Variants in UNC13C observed in about 807,000 individuals in gnomAD.
UNC13C encodes the protein protein unc-13 homolog C.
Under a neutral mutation model 245.4 loss-of-function variants are expected in UNC13C, and 174 were observed. The observed-to-expected ratio is 0.71, with a 90% CI of 0.63 to 0.80. The LOEUF is 0.80. Among genes scored for constraint, UNC13C ranks in the 30% least tolerant of loss-of-function variants. UNC13C has a pLI of 0.00. For missense variants in UNC13C, 2,829 were observed against 2,602.9 expected (o/e 1.09, Z -1.89); for synonymous variants, 992 against 895.1 (o/e 1.11, Z -1.93).
intron 10 of UNC13C, among the ~76,000 whole-genome samples, chr15:54,284,070 C>A (rs1293184917): frequency 6.6e-6 from 1 of 152,282 alleles, no homozygotes; most frequent in Admixed American, 6.5e-5. Context: ...TTTTGTTCCT[C>A]ATTACAACCA....
At chr15:54,254,849 T>A (rs2036239170) in intron 8 of UNC13C, among the ~76,000 whole-genome samples, 2 of 152,212 alleles carry the variant, frequency 1.3e-5, no homozygotes, top group East Asian at 3.8e-4. Flanking sequence ...AGAAAGCACA[T>A]AGGGTACCCC....
chr15:53,989,870 G>A (rs1429493615), intron 1 of UNC13C, among the ~76,000 whole-genome samples: 2 of 151,996 alleles, frequency 1.3e-5, no homozygotes, highest in Non-Finnish European at 2.9e-5. Flanking sequence ...CAATAGTTCG[G>A]CATCTCAGAG....
chr15:54,150,662 T>A (rs764454080), intron 4 of UNC13C, among the ~76,000 whole-genome samples: 5 of 152,224 alleles, frequency 3.3e-5, no homozygotes, highest in Non-Finnish European at 7.3e-5. Context: ...ATATCTTCTC[T>A]ACTTAGAAAG....
intron 4 of UNC13C, among the ~76,000 whole-genome samples, chr15:54,200,495 G>A (rs2034488488): frequency 6.6e-6 from 1 of 151,800 alleles, no homozygotes; most frequent in African/African-American, 2.4e-5. Flanking sequence ...TCAGAACCCA[G>A]TGGAATAAAA....
chr15:54,173,438 G>A (rs1195672648), intron 4 of UNC13C, among the ~76,000 whole-genome samples: 2 of 151,858 alleles, frequency 1.3e-5, no homozygotes, highest in African/African-American at 2.4e-5. Flanking sequence ...GTTACTGCAC[G>A]TTTATTAAAT....
chr15:54,269,133 AT>A (rs1183759300), intron 10 of UNC13C, among the ~76,000 whole-genome samples: 2 of 151,864 alleles, frequency 1.3e-5, no homozygotes, highest in Non-Finnish European at 2.9e-5. Flanking sequence ...CTTGGTTTCT[AT>A]TCCTTGCACA....
chr15:54,558,828 C>T (rs1278120560), intron 29 of UNC13C, among the ~76,000 whole-genome samples: 4 of 151,884 alleles, frequency 2.6e-5, no homozygotes, highest in African/African-American at 4.8e-5. Flanking sequence ...ATCAGTCACC[C>T]AATCTATATG....
the UNC13C span, chr15:53,911,036 G>A: frequency 1.3e-5 from 2 of 152,216 alleles, no homozygotes; most frequent in Non-Finnish European, 2.9e-5. Context: ...GGGAGGCAGT[G>A]GAGAGGTCTC....
chr15:54,469,507 C>G (rs1039571582), intron 19 of UNC13C, among the ~76,000 whole-genome samples: 2 of 151,430 alleles, frequency 1.3e-5, no homozygotes, highest in African/African-American at 4.8e-5. Flanking sequence ...CTGTAGATAC[C>G]AAAATCTGTG....
At chr15:54,410,542 T>G (rs1340670774) in intron 18 of UNC13C, among the ~76,000 whole-genome samples, 1 of 152,126 alleles carries the variant, frequency 6.6e-6, no homozygotes, top group Admixed American at 6.5e-5. Context: ...GATTTTTGTA[T>G]ATGGTGAAAA....
At chr15:54,324,930 C>T (rs1361756876) in intron 14 of UNC13C, among the ~76,000 whole-genome samples, 1 of 151,978 alleles carries the variant, frequency 6.6e-6, no homozygotes. Context: ...AATACAAATT[C>T]GTAAACTTTC....
chr15:54,519,724 G>A (rs75852652), intron 24 of UNC13C, among the ~76,000 whole-genome samples: 134 of 152,284 alleles, frequency 8.8e-4, no homozygotes, highest in African/African-American at 3.1e-3. Context: ...TATGGTTAGA[G>A]CTGGGCACAT....
chr15:54,175,235 C>G (rs571884747), intron 4 of UNC13C, among the ~76,000 whole-genome samples: 1 of 152,176 alleles, frequency 6.6e-6, no homozygotes, highest in South Asian at 2.1e-4. Context: ...GGATTCCAAG[C>G]AAACAAAATA....
chr15:53,951,713 G>T, the UNC13C span, among the ~76,000 whole-genome samples: 2 of 152,120 alleles, frequency 1.3e-5, no homozygotes, highest in African/African-American at 2.4e-5. Context: ...ACCCTTCAAG[G>T]ATCCTTTTTC....
At chr15:54,183,526 G>A (rs2033868914) in intron 4 of UNC13C, among the ~76,000 whole-genome samples, 1 of 151,756 alleles carries the variant, frequency 6.6e-6, no homozygotes, top group African/African-American at 2.4e-5. Context: ...TATTTGCCAT[G>A]TGTGACTATT....
intron 30 of UNC13C, among the ~76,000 whole-genome samples, chr15:54,609,774 G>A (rs974431522): frequency 6.6e-6 from 1 of 152,166 alleles, no homozygotes; most frequent in Non-Finnish European, 1.5e-5. Context: ...CCAAGACTGG[G>A]TAATTTCTAA....
Position 54,338,263 on chromosome 15 carries a change from C to T in UNC13C, c.4585-98C>T, listed in dbSNP as rs898697407. The T allele has an allele frequency of 1.6e-5, 21 of 1,333,690 alleles. No homozygotes were observed. The African/African-American group carries it at 1.9e-4, about 12-fold the overall frequency. 82.6% of individuals were successfully genotyped at this position (1,333,690 alleles called of 1,614,324 possible). Reference sequence around the variant, plus strand: ...TGACACTTACTGAACATAGAAAAATCGACTGAAAGTATTTATTGAATATAT... The same window carrying T: ...TGACACTTACTGAACATAGAAAAATTGACTGAAAGTATTTATTGAATATAT... On this transcript the variant is annotated intron_variant, in intron 16 of 32. Coordinates refer to ENST00000260323, the MANE Select transcript of UNC13C (RefSeq NM_001080534.3).
chr15:54,070,244 G>C (rs1022391051), intron 2 of UNC13C, among the ~76,000 whole-genome samples: 1 of 152,174 alleles, frequency 6.6e-6, no homozygotes, highest in African/African-American at 2.4e-5. Context: ...CTGTGTTTGA[G>C]GCACTGAGCT....
At chr15:54,214,153 C>A (rs1330981543) in intron 4 of UNC13C, among the ~76,000 whole-genome samples, 1 of 151,832 alleles carries the variant, frequency 6.6e-6, no homozygotes, top group Admixed American at 6.6e-5. Flanking sequence ...TTTAATTATA[C>A]CCTAAAAATT....
Sources: gnomAD v4.1 joint callset for allele counts (sites outside exome capture counted in the v4.1 genomes callset) on GRCh38, gnomAD v4.1.1 for gene constraint, MANE v1.5 for transcripts, NCBI Gene and HGNC (gene_info 2026-07-23, HGNC 2026-07-21) for gene names.